MAPK6: variants seen among roughly 807,000 people sequenced by gnomAD.
MAPK6 encodes the protein mitogen-activated protein kinase 6.
MAPK6 carries 19 observed loss-of-function variants against 59.3 expected under a neutral mutation model. The observed-to-expected ratio is 0.32, with a 90% CI of 0.22 to 0.47. The LOEUF is 0.47. Ranked by LOEUF, MAPK6 falls within the 20% of genes least tolerant of loss-of-function variation. The pLI, the probability that MAPK6 is intolerant of heterozygous loss-of-function variation, is 1.00. For synonymous variants in MAPK6, 316 were observed against 290.3 expected (o/e 1.09, Z -0.90); for missense variants, 724 against 847.9 (o/e 0.85, Z 1.81).
intron 1 of MAPK6, among the ~76,000 whole-genome samples, chr15:52,028,059 T>A (rs2030879561): frequency 6.7e-6 from 1 of 149,342 alleles, no homozygotes; most frequent in African/African-American, 2.5e-5. Context: ...TTCACGCCAT[T>A]CTTCTGCCTC....
At chr15:51,975,816 A>C (rs2470592) in intron 1 of MAPK6, among the ~76,000 whole-genome samples, 1 of 151,878 alleles carries the variant, frequency 6.6e-6, no homozygotes, top group Non-Finnish European at 1.5e-5. Context: ...GTTTCTCTCT[A>C]TAGCAGTAAG....
chr15:52,003,749 A>G (rs1299517516), intron 2 of MAPK6, among the ~76,000 whole-genome samples: 3 of 152,286 alleles, frequency 2.0e-5, no homozygotes, highest in Non-Finnish European at 2.9e-5. Flanking sequence ...AAAAATGTCA[A>G]GAGCCTCCTG....
chr15:51,971,868 C>A, exon 1 of MAPK6: 1 of 1,070,544 alleles, frequency 9.3e-7, no homozygotes, highest in Non-Finnish European at 1.4e-6. Context: ...CCTTACGTGA[C>A]CTAGTTTTCG....
At chr15:51,999,886 T>C (rs1371302862) in intron 2 of MAPK6, among the ~76,000 whole-genome samples, 2 of 152,096 alleles carry the variant, frequency 1.3e-5, no homozygotes, top group Non-Finnish European at 2.9e-5. Flanking sequence ...TCAGGTAATC[T>C]GCCTGTCTTG....
At chr15:52,059,101 A>C (rs144426201) in intron 4 of MAPK6, among the ~76,000 whole-genome samples, 44 of 152,306 alleles carry the variant, frequency 2.9e-4, no homozygotes, top group African/African-American at 1.0e-3. Context: ...GAACTCCTGT[A>C]AATGCCTGGA....
intron 3 of MAPK6, among the ~76,000 whole-genome samples, chr15:52,012,861 C>G (rs901934818): frequency 1.3e-5 from 2 of 150,844 alleles, no homozygotes; most frequent in African/African-American, 4.9e-5. Context: ...GTGGTGGGTG[C>G]CTGTAGTCCC....
At chr15:51,972,169 C>T (rs1229244201) in intron 1 of MAPK6, among the ~76,000 whole-genome samples, 1 of 152,114 alleles carries the variant, frequency 6.6e-6, no homozygotes, top group Admixed American at 6.5e-5. Context: ...GACGGAGTCT[C>T]GCTCAGTCGC....
intron 1 of MAPK6, among the ~76,000 whole-genome samples, chr15:52,039,761 C>T (rs1243835168): frequency 4.6e-5 from 7 of 152,048 alleles, no homozygotes; most frequent in Non-Finnish European, 1.0e-4. Context: ...AGGTGTTCTG[C>T]CCACCTTGGA....
Position 52,065,201 on chromosome 15 carries a change from CAAA to C in MAPK6, c.*204_*206del, listed in dbSNP as rs2032368094. ...TTTTAACTGGCATGTCATTTGCACA[CAAA>C]AATAAAGACTAGAGCAAAATAATGC... On this transcript the variant is annotated 3_prime_UTR_variant, in exon 6 of 6. Transcript: ENST00000261845. 2.0e-6 allele frequency: 1 copy of C among 500,722 alleles called. No individual in the cohort carries two copies. The highest frequency in any genetic ancestry group is 3.4e-6 in the Non-Finnish European group (1 of 293,936). 31.0% of individuals were successfully genotyped at this position (500,722 alleles called of 1,614,324 possible).
chr15:51,980,095 G>C (rs2057168731), intron 1 of MAPK6, among the ~76,000 whole-genome samples: 1 of 151,710 alleles, frequency 6.6e-6, no homozygotes, highest in South Asian at 2.1e-4. Flanking sequence ...AGGAATTCAA[G>C]GCTAACCTGG....
intron 1 of MAPK6, among the ~76,000 whole-genome samples, chr15:51,982,173 C>T (rs2057176275): frequency 6.6e-6 from 1 of 152,224 alleles, no homozygotes; most frequent in South Asian, 2.1e-4. Flanking sequence ...TTTCACTTTA[C>T]AGCAAAACTG....
At chr15:52,015,995 G>T (rs139051506), upstream of MAPK6, among the ~76,000 whole-genome samples, 769 of 148,556 alleles carry the variant, frequency 5.2e-3, 13 homozygotes, top group African/African-American at 0.018. Flanking sequence ...GGCAGAGCTT[G>T]CAGTGAGCTG....
At chr15:52,004,098 G>A (rs1009138781) in intron 2 of MAPK6, 9 of 152,182 alleles carry the variant, frequency 5.9e-5, no homozygotes, top group East Asian at 5.8e-4. Context: ...GTGGAGATGT[G>A]AGTCTTTACT....
chr15:52,045,103 C>T (rs1032844381), intron 1 of MAPK6, among the ~76,000 whole-genome samples: 1 of 151,712 alleles, frequency 6.6e-6, no homozygotes, highest in African/African-American at 2.4e-5. Flanking sequence ...GAAAAATGGC[C>T]GGGTCATAGA....
At chr15:52,030,899 C>G (rs1034598847) in intron 1 of MAPK6, among the ~76,000 whole-genome samples, 1 of 151,432 alleles carries the variant, frequency 6.6e-6, no homozygotes, top group African/African-American at 2.4e-5. Flanking sequence ...TCAAGCAATT[C>G]TCGTGCCTCA....
At chr15:52,036,693 T>C (rs956194680) in intron 1 of MAPK6, among the ~76,000 whole-genome samples, 2 of 152,194 alleles carry the variant, frequency 1.3e-5, no homozygotes, top group African/African-American at 4.8e-5. Flanking sequence ...ACTCTTTCAG[T>C]AGGGCCAAAT....
At chr15:52,008,080 C>G (rs1283791921) in intron 3 of MAPK6, among the ~76,000 whole-genome samples, 1 of 152,078 alleles carries the variant, frequency 6.6e-6, no homozygotes, top group Non-Finnish European at 1.5e-5. Context: ...CTCCTGACCT[C>G]AGGTGATCCA....
intron 2 of MAPK6, among the ~76,000 whole-genome samples, chr15:51,984,298 C>T (rs1005483283): frequency 1.3e-5 from 2 of 151,868 alleles, no homozygotes; most frequent in African/African-American, 4.8e-5. Flanking sequence ...AATTTTTTTT[C>T]TGAGATGGAG....
intron 1 of MAPK6, among the ~76,000 whole-genome samples, chr15:52,027,296 G>A (rs2141863525): frequency 7.1e-6 from 1 of 141,130 alleles, no homozygotes; most frequent in African/African-American, 2.7e-5. Context: ...CTTGCAGTGA[G>A]CCGAGATCGT....
Sources: gnomAD v4.1 joint callset for allele counts (sites outside exome capture counted in the v4.1 genomes callset) on GRCh38, gnomAD v4.1.1 for gene constraint, MANE v1.5 for transcripts, NCBI Gene and HGNC (gene_info 2026-07-23, HGNC 2026-07-21) for gene names.